Variants in NELFB observed in about 807,000 individuals in gnomAD.
The protein encoded by NELFB is negative elongation factor B.
NELFB carries 34 observed loss-of-function variants against 60.2 expected under a neutral mutation model. The observed-to-expected ratio is 0.56, with a 90% CI of 0.43 to 0.75. NELFB has a LOEUF of 0.75. NELFB is among the 30% of genes least tolerant of loss of function. The probability of loss-of-function intolerance (pLI) is 0.00; values close to 1 mark genes in which losing one functional copy is unlikely to be tolerated. For synonymous variants in NELFB, 459 were observed against 382.1 expected (o/e 1.20, Z -2.35); for missense variants, 770 against 831.6 (o/e 0.93, Z 0.91).
chr9:137,259,690 A>C (rs933185757), intron 4 of NELFB, among the ~76,000 whole-genome samples: 5 of 149,408 alleles, frequency 3.3e-5, no homozygotes, highest in Non-Finnish European at 7.4e-5. Flanking sequence ...TTATTTTACT[A>C]CTTTTTAAAA....
intron 4 of NELFB, among the ~76,000 whole-genome samples, chr9:137,262,234 T>G (rs1193202490): frequency 6.6e-6 from 1 of 152,120 alleles, no homozygotes; most frequent in Non-Finnish European, 1.5e-5. Context: ...CAGAGTTTTC[T>G]CTAAACTCCC....
chr9:137,256,448 C>T lies in NELFB; in HGVS notation c.510+20C>T. ...CCCAAGGTAGGGCCCTAACCCTAACCCTGATGGCGTGGACCGTCCGCCCAC... is the reference window on the plus strand; with the variant it reads ...CCCAAGGTAGGGCCCTAACCCTAACTCTGATGGCGTGGACCGTCCGCCCAC... On this transcript the variant is annotated intron_variant, in intron 3 of 12. Transcript: ENST00000343053. 3 of 1,606,672 alleles carry T rather than the reference C, an allele frequency of 1.9e-6. No individual in the cohort carries two copies. Among genetic ancestry groups the T allele is most frequent in the Non-Finnish European group, 2.6e-6 (3 of 1,174,450 alleles).
intron 4 of NELFB, among the ~76,000 whole-genome samples, chr9:137,258,078 T>A (rs1035401496): frequency 1.3e-5 from 2 of 149,162 alleles, no homozygotes; most frequent in African/African-American, 2.5e-5. Context: ...GTGCTGGGAT[T>A]ACAGACATGA....
rs1554791518 is a variant in NELFB at position 137,265,054 on chromosome 9, T to TTTTTTTTTC, written c.1040+697_1040+698insTTTTTTTTC. 2.6e-5 allele frequency among the ~76,000 whole-genome samples: 3 copies of TTTTTTTTTC among 114,036 alleles called. 1 individual carries two copies. Among genetic ancestry groups the TTTTTTTTTC allele is most frequent in the Non-Finnish European group, 3.9e-5 (2 of 50,850 alleles). 74.8% of individuals were successfully genotyped at this position (114,036 alleles called of 152,430 possible). On this transcript the variant is annotated intron_variant, in intron 6 of 12. Transcript: ENST00000343053. ...TCCTTTTTTTTTTTTTTTTTTTTTT[T>TTTTTTTTTC]CTGAGACAGGGTCTCTGTCACCCAG...
At position 137,257,042 on chromosome 9, in the gene NELFB, G is replaced by A. The variant is rs752360926; in HGVS notation, c.729G>A (p.Arg243=). 6.2e-7 allele frequency: 1 copy of A among 1,611,384 alleles called. No individual in the cohort carries two copies. Among genetic ancestry groups the A allele is most frequent in the African/African-American group, 1.3e-5 (1 of 74,918 alleles). Residue 243 remains arginine, a synonymous_variant, in exon 4 of 13, where the codon AGG becomes AGA. Transcript: ENST00000343053. ...TTTTCAGTCCTTCCCCCAAGACCAGGCGCCAGGGCGAGGTGAGGGGACAGG... is the reference window on the plus strand; with the variant it reads ...TTTTCAGTCCTTCCCCCAAGACCAGACGCCAGGGCGAGGTGAGGGGACAGG...
At chr9:137,259,855 G>T (rs558976275) in intron 4 of NELFB, among the ~76,000 whole-genome samples, 3 of 145,794 alleles carry the variant, frequency 2.1e-5, no homozygotes, top group Non-Finnish European at 3.0e-5. Flanking sequence ...CTCCCAAGTA[G>T]CTGGGACTAC....
chr9:137,268,000 G>C (rs1588189604), intron 10 of NELFB, among the ~76,000 whole-genome samples: 1 of 152,230 alleles, frequency 6.6e-6, no homozygotes, highest in South Asian at 2.1e-4. Flanking sequence ...CCCAGGTGGT[G>C]ACAGGCCCAC....
Position 137,267,058 on chromosome 9 carries a change from C to A in NELFB, c.1354C>A (p.Pro452Thr), listed in dbSNP as rs1196269076. Reference sequence around the variant, plus strand: ...TGAGGAGAAAGCCCCAGTCTCATATCCAAACACACTTCCCGAAAGCTTCAC... The same window carrying A: ...TGAGGAGAAAGCCCCAGTCTCATATACAAACACACTTCCCGAAAGCTTCAC... Residue 452 changes from proline (P) to threonine (T), a missense_variant, in exon 9 of 13, where the codon CCA becomes ACA. By Grantham distance (38) the Pro-to-Thr change is conservative. Coordinates refer to ENST00000343053, the MANE Select transcript of NELFB (RefSeq NM_015456.5). 5.7e-5 allele frequency: 92 copies of A among 1,614,076 alleles called. No individual in the cohort carries two copies. Among genetic ancestry groups the A allele is most frequent in the Non-Finnish European group, 7.7e-5 (91 of 1,180,016 alleles).
intron 8 of NELFB, among the ~76,000 whole-genome samples, 186 bp from the exon 9 acceptor site, chr9:137,266,758 G>C (rs1830522385): frequency 6.6e-6 from 1 of 152,066 alleles, no homozygotes; most frequent in African/African-American, 2.4e-5. Context: ...CTAGAAGGGG[G>C]TTTGAGGAGA....
chr9:137,266,925 T>C lies in NELFB; in HGVS notation c.1240-19T>C. On this transcript the variant is annotated intron_variant, in intron 8 of 12. Coordinates refer to ENST00000343053, the MANE Select transcript of NELFB (RefSeq NM_015456.5). ...CAGGGCCCGGGCCCGCGCCCGCTCA[T>C]GGCCTCCCCTCCTCGTAGGAGGTAG... 2 of 1,612,130 alleles carry C rather than the reference T, an allele frequency of 1.2e-6. No individual in the cohort carries two copies. The highest frequency in any genetic ancestry group is 1.7e-6 in the Non-Finnish European group (2 of 1,179,758).
In NELFB at chr9:137,273,129, C is replaced by T. The variant is rs1020550524; in HGVS notation, c.*201C>T. 12 of 504,058 alleles carry T rather than the reference C, an allele frequency of 2.4e-5. No homozygotes were observed. Among genetic ancestry groups the T allele is most frequent in the Non-Finnish European group, 3.8e-5 (11 of 291,118 alleles). The allele number at this position is 504,058 out of a possible 1,614,324, so 31.2% of individuals were successfully genotyped here. A position where few individuals can be genotyped will look rare whatever the true frequency, so the allele number is the denominator to read the frequency against. On this transcript the variant is annotated 3_prime_UTR_variant, in exon 13 of 13. Transcript: ENST00000343053. ...TGCCCACCATCCATGCAGTGGCTCC[C>T]AGGGCAGAGCCTCTCCTTGTACTTT...
intron 4 of NELFB, 130 bp from the exon 5 acceptor site, chr9:137,262,907 G>A: frequency 4.6e-6 from 4 of 868,520 alleles, no homozygotes; most frequent in Admixed American, 2.4e-5. Context: ...TGAGAGGAGG[G>A]AATGTTTTCT....
At chr9:137,258,474 A>T in intron 4 of NELFB, among the ~76,000 whole-genome samples, 1 of 144,546 alleles carries the variant, frequency 6.9e-6, no homozygotes. Context: ...TTTGAGACAG[A>T]GTCTTGCTCT....
Position 137,265,996 on chromosome 9 carries a change from C to G in NELFB, c.1143+17C>G, listed in dbSNP as rs762030774. On this transcript the variant is annotated intron_variant, in intron 7 of 12. Transcript: ENST00000343053. ...CTGCCCAGGGTGAGTGTGGGCTTGGCCAGCAGCTGTCGGGGCCATGCGGCC... is the reference window on the plus strand; with the variant it reads ...CTGCCCAGGGTGAGTGTGGGCTTGGGCAGCAGCTGTCGGGGCCATGCGGCC... 1 of 1,584,978 alleles carries G rather than the reference C, an allele frequency of 6.3e-7. No homozygotes were observed. Among genetic ancestry groups the G allele is most frequent in the Non-Finnish European group, 8.7e-7 (1 of 1,155,260 alleles).
chr9:137,258,998 G>C (rs769320660), intron 4 of NELFB, among the ~76,000 whole-genome samples: 1 of 152,070 alleles, frequency 6.6e-6, no homozygotes, highest in Non-Finnish European at 1.5e-5. Context: ...GAGCTTAGTA[G>C]TTAAAGACCA....
At chr9:137,256,462 C>T in intron 3 of NELFB, 34 bp downstream of exon 3, 5 of 1,580,946 alleles carry the variant, frequency 3.2e-6, no homozygotes, top group Non-Finnish European at 4.3e-6. Context: ...ATGGCGTGGA[C>T]CGTCCGCCCA....
chr9:137,255,500 G>T lies in NELFB; in HGVS notation c.135G>T (p.Gly45=), dbSNP rs1375030981. ...GGGCGCCTAGCCGGGCGGTGGCCGG[G>T]GCCTCGGCCATGTTCGCGGGGCTGC... The change falls in exon 1 of 13, where the codon GGG becomes GGT. Residue 45 remains glycine (G), a synonymous_variant. Transcript: ENST00000343053. 1.3e-6 allele frequency: 2 copies of T among 1,531,854 alleles called. No homozygotes were observed. Among genetic ancestry groups the T allele is most frequent in the East Asian group, 5.2e-5 (2 of 38,174 alleles). 94.9% of individuals were successfully genotyped at this position (1,531,854 alleles called of 1,614,324 possible).
In NELFB at chr9:137,271,987, C is replaced by A. The variant is rs558951239; in HGVS notation, c.1490-94C>A. On this transcript the variant is annotated intron_variant, in intron 10 of 12. Coordinates refer to ENST00000343053, the MANE Select transcript of NELFB (RefSeq NM_015456.5). ...CAACTGAGAACTCTCATGTGAGCAC[C>A]CCCAGAAGTAGGTTCTGAGGTCTTT... The A allele has an allele frequency of 5.3e-6, 8 of 1,515,046 alleles. No homozygotes were observed. The South Asian group carries it at 9.6e-5, about 18-fold the overall frequency. The allele number at this position is 1,515,046 out of a possible 1,614,324, so 93.9% of individuals were successfully genotyped here.
chr9:137,256,031 G>A lies in NELFB; in HGVS notation c.371G>A (p.Arg124Gln). ...GAGCTGCGGGACAAGCTGCTGGAGC[G>A]AGTGTCAGCCATCGCTTCGGAGGGG... is the stretch of plus-strand genomic sequence containing the variant. Residue 124 changes from arginine to glutamine, a missense_variant, in exon 2 of 13, where the codon CGA becomes CAA. Transcript: ENST00000343053. The A allele has an allele frequency of 1.2e-6, 2 of 1,613,790 alleles. No homozygotes were observed. The highest frequency in any genetic ancestry group is 1.7e-6 in the Non-Finnish European group (2 of 1,180,008).
Sources: gnomAD v4.1 joint callset for allele counts (sites outside exome capture counted in the v4.1 genomes callset) on GRCh38, gnomAD v4.1.1 for gene constraint, MANE v1.5 for transcripts, NCBI Gene and HGNC (gene_info 2026-07-23, HGNC 2026-07-21) for gene names.